The following PDE4D variants were observed in gnomAD, a reference collection of about 807,000 sequenced individuals.
The protein encoded by PDE4D is 3',5'-cyclic-AMP phosphodiesterase 4D.
A neutral mutation model predicts 87.4 loss-of-function variants in PDE4D; 24 were observed. The observed-to-expected ratio is 0.27, with a 90% CI of 0.20 to 0.39. The LOEUF (loss-of-function observed/expected upper bound fraction) is 0.39, where lower values mean the gene tolerates loss of function less well. PDE4D is among the 10% of genes least tolerant of loss of function. The probability of loss-of-function intolerance (pLI) is 1.00; values close to 1 mark genes in which losing one functional copy is unlikely to be tolerated. For synonymous variants in PDE4D, 384 were observed against 383.2 expected (o/e 1.00, Z -0.02); for missense variants, 714 against 1,041.0 (o/e 0.69, Z 4.32).
Position 59,243,852 on chromosome 5 carries a change from C to T in PDE4D, c.456-27884G>A, listed in dbSNP as rs571620467. ...TTTAGACACCATTTAAACTCTTTGACCCAGTAATAGCATTTCCAAAAATTT... is the reference window on the plus strand; with the variant it reads ...TTTAGACACCATTTAAACTCTTTGATCCAGTAATAGCATTTCCAAAAATTT... On this transcript the variant is annotated intron_variant, in intron 1 of 14. Coordinates refer to ENST00000340635, the MANE Select transcript of PDE4D (RefSeq NM_001104631.2). 1.2e-4 allele frequency among the ~76,000 whole-genome samples: 19 copies of T among 152,108 alleles called. No homozygotes were observed. The East Asian group carries it at 3.1e-3, about 25-fold the overall frequency.
chr5:60,305,003 A>C (rs1474942728), intron 1 of PDE4D, among the ~76,000 whole-genome samples: 1 of 151,382 alleles, frequency 6.6e-6, no homozygotes, highest in African/African-American at 2.4e-5. Flanking sequence ...ATATATATAT[A>C]TATTTGATTC....
intron 1 of PDE4D, among the ~76,000 whole-genome samples, chr5:59,284,994 T>C (rs1270247061): frequency 3.5e-5 from 3 of 85,392 alleles, no homozygotes; most frequent in East Asian, 3.7e-4. Flanking sequence ...TTCTCACTCA[T>C]AGGTGGGAAT....
intron 1 of PDE4D, among the ~76,000 whole-genome samples, chr5:59,632,405 C>T (rs1437673123): frequency 6.6e-6 from 1 of 152,246 alleles, no homozygotes; most frequent in Non-Finnish European, 1.5e-5. Flanking sequence ...AAGGAACAGA[C>T]TCCCTCCTCA....
At chr5:59,620,011 T>C (rs897826203) in intron 1 of PDE4D, among the ~76,000 whole-genome samples, 1 of 152,070 alleles carries the variant, frequency 6.6e-6, no homozygotes. Flanking sequence ...AAGCTGGTGA[T>C]CCAAGACAAG....
At chr5:59,584,653 A>G (rs1480097386) in intron 1 of PDE4D, among the ~76,000 whole-genome samples, 1 of 152,236 alleles carries the variant, frequency 6.6e-6, no homozygotes, top group African/African-American at 2.4e-5. Context: ...ATAAAAATAA[A>G]AAGTGCTTAT....
chr5:59,905,266 C>T (rs1375725169), intron 3 of PDE4D, among the ~76,000 whole-genome samples: 1 of 152,100 alleles, frequency 6.6e-6, no homozygotes, highest in East Asian at 1.9e-4. Flanking sequence ...GTGAATTGTT[C>T]AGAATGCTTT....
intron 1 of PDE4D, among the ~76,000 whole-genome samples, chr5:59,830,591 C>T (rs1741036747): frequency 1.3e-5 from 2 of 152,062 alleles, no homozygotes; most frequent in Non-Finnish European, 2.9e-5. Context: ...TTCATGTAGC[C>T]TTTACCAAAT....
chr5:59,283,646 T>G (rs1328616735), intron 1 of PDE4D, among the ~76,000 whole-genome samples: 1 of 152,088 alleles, frequency 6.6e-6, no homozygotes, highest in East Asian at 1.9e-4. Flanking sequence ...TTCCCCTGCC[T>G]GGGGAACCTC....
intron 1 of PDE4D, among the ~76,000 whole-genome samples, chr5:59,774,855 G>A (rs1006523969): frequency 1.3e-4 from 20 of 151,516 alleles, no homozygotes; most frequent in African/African-American, 3.2e-4. Flanking sequence ...CCACCATGCC[G>A]GGCTAATTTT....
chr5:59,282,621 C>T (rs1301245776), intron 1 of PDE4D, among the ~76,000 whole-genome samples: 4 of 114,100 alleles, frequency 3.5e-5, no homozygotes, highest in South Asian at 2.7e-4. Context: ...CCAACCTGGG[C>T]GACAAGAGTG....
At chr5:59,560,702 G>A (rs927835022) in intron 1 of PDE4D, 2 of 152,304 alleles carry the variant, frequency 1.3e-5, no homozygotes, top group African/African-American at 2.4e-5. Context: ...CATAGTCAGG[G>A]AAGGGTAATC....
intron 1 of PDE4D, among the ~76,000 whole-genome samples, chr5:60,270,433 C>T (rs915799817): frequency 6.6e-6 from 1 of 152,068 alleles, no homozygotes; most frequent in Non-Finnish European, 1.5e-5. Flanking sequence ...ATCATTCAGA[C>T]CAGAATAATA....
chr5:60,093,104 GAGA>G (rs1211109407), intron 2 of PDE4D, among the ~76,000 whole-genome samples: 1 of 152,198 alleles, frequency 6.6e-6, no homozygotes, highest in Non-Finnish European at 1.5e-5. Context: ...ATAAAGAAGT[GAGA>G]AGGAGAGGTA....
At chr5:60,480,959 A>G (rs1203452545) in intron 1 of PDE4D, among the ~76,000 whole-genome samples, 1 of 152,178 alleles carries the variant, frequency 6.6e-6, no homozygotes, top group Non-Finnish European at 1.5e-5. Flanking sequence ...AGGGAAATAA[A>G]CAACAAGTAA....
At chr5:59,315,248 A>C (rs1023388686) in intron 1 of PDE4D, among the ~76,000 whole-genome samples, 2 of 152,166 alleles carry the variant, frequency 1.3e-5, no homozygotes, top group Admixed American at 1.3e-4. Context: ...CAATACAGGA[A>C]TATCTACCTC....
chr5:59,830,109 T>A (rs1740955603), intron 1 of PDE4D, among the ~76,000 whole-genome samples: 1 of 152,002 alleles, frequency 6.6e-6, no homozygotes, highest in South Asian at 2.1e-4. Context: ...TGGGATGTGC[T>A]CACATTGGCA....
At chr5:59,791,767 A>C (rs1765821395) in intron 1 of PDE4D, among the ~76,000 whole-genome samples, 1 of 152,214 alleles carries the variant, frequency 6.6e-6, no homozygotes, top group African/African-American at 2.4e-5. Flanking sequence ...CCCCGGGCTT[A>C]GAATCCTAAG....
chr5:59,743,756 A>G (rs1377680585), intron 1 of PDE4D, among the ~76,000 whole-genome samples: 9 of 152,186 alleles, frequency 5.9e-5, no homozygotes, highest in Admixed American at 5.2e-4. Context: ...GTACAAGCCC[A>G]TATGACTGCT....
intron 1 of PDE4D, among the ~76,000 whole-genome samples, chr5:59,577,637 T>C (rs1823393609): frequency 2.6e-5 from 4 of 152,138 alleles, no homozygotes; most frequent in Admixed American, 2.0e-4. Context: ...TAGAATCTTA[T>C]TTAGAGTTTT....
Sources: gnomAD v4.1 joint callset for allele counts (sites outside exome capture counted in the v4.1 genomes callset) on GRCh38, gnomAD v4.1.1 for gene constraint, MANE v1.5 for transcripts, NCBI Gene and HGNC (gene_info 2026-07-23, HGNC 2026-07-21) for gene names.